Variants in AATK observed in about 807,000 individuals in gnomAD.
The protein encoded by AATK is serine/threonine-protein kinase LMTK1.
Under a neutral mutation model 114.3 loss-of-function variants are expected in AATK, and 91 were observed. The ratio of observed to expected loss-of-function variants is 0.80; its 90% CI spans 0.67 to 0.95. AATK has a LOEUF of 0.95. Ranked by LOEUF, AATK falls within the 40% of genes least tolerant of loss-of-function variation. AATK has a pLI of 0.00. For synonymous variants in AATK, 1,075 were observed against 916.5 expected (o/e 1.17, Z -3.12); for missense variants, 2,176 against 1,965.2 (o/e 1.11, Z -2.03).
intron 3 of AATK, among the ~76,000 whole-genome samples, chr17:81,130,777 G>C (rs146011930): frequency 0.012 from 1,879 of 151,778 alleles, 42 homozygotes; most frequent in African/African-American, 0.043. Context: ...GCAGCCCCTT[G>C]GGCAGGGGAG....
At chr17:81,165,206 G>C (rs1417380237) in intron 1 of AATK, among the ~76,000 whole-genome samples, 1 of 152,216 alleles carries the variant, frequency 6.6e-6, no homozygotes. Flanking sequence ...GTGACAGATG[G>C]GGCTTCCAGC....
chr17:81,155,473 G>A (rs1246865836), intron 1 of AATK, among the ~76,000 whole-genome samples: 5 of 151,804 alleles, frequency 3.3e-5, no homozygotes, highest in African/African-American at 4.8e-5. Flanking sequence ...TGCAACCTCC[G>A]CCTCCCGGAT....
chr17:81,143,180 G>A (rs1213994198), intron 1 of AATK, among the ~76,000 whole-genome samples: 2 of 151,998 alleles, frequency 1.3e-5, no homozygotes, highest in South Asian at 2.1e-4. Context: ...CAAGCCCTTG[G>A]CCACACCTGG....
intron 2 of AATK, 111 bp downstream of exon 2, chr17:81,134,257 C>T (rs1446396948): frequency 6.9e-7 from 1 of 1,457,992 alleles, no homozygotes; most frequent in Non-Finnish European, 9.3e-7. Flanking sequence ...ACTACGGCCA[C>T]CCAGCAGCCA....
chr17:81,122,529 G>C lies in AATK; in HGVS notation c.1407C>G (p.Thr469=). ...CAAAATTGAGGCCTCGGCTGGTCTC[G>C]GTCACCGTCAGCACGTCGTCGCCGT... ...HADGDDVLTV[T]ETSRGLNFEY... is the part of the protein sequence containing the mutation. The change falls in exon 11 of 14, where the codon ACC becomes ACG. Residue 469 remains threonine, a synonymous_variant. Coordinates refer to ENST00000326724, the MANE Select transcript of AATK (RefSeq NM_001080395.3). 6.8e-7 allele frequency: 1 copy of C among 1,481,224 alleles called. No individual in the cohort carries two copies. The highest frequency in any genetic ancestry group is 1.2e-5 in the South Asian group (1 of 80,458). 91.8% of individuals were successfully genotyped at this position (1,481,224 alleles called of 1,614,324 possible). A position where few individuals can be genotyped will look rare whatever the true frequency, so the allele number is the denominator to read the frequency against.
rs1278633508 is a variant in AATK, at chr17:81,118,530, C to T, written c.4085-88G>A. Reference sequence around the variant, plus strand: ...ACTCCCACCTGGCCTCCATCCCTGGCCCACATACAGGCCGGGCCCCTTCCC... The same window carrying T: ...ACTCCCACCTGGCCTCCATCCCTGGTCCACATACAGGCCGGGCCCCTTCCC... On this transcript the variant is annotated intron_variant, in intron 13 of 13. Coordinates refer to ENST00000326724, the MANE Select transcript of AATK (RefSeq NM_001080395.3). 3.5e-6 allele frequency: 5 copies of T among 1,416,968 alleles called. No homozygotes were observed. In the Admixed American group the frequency reaches 5.8e-5, roughly 16 times the overall value. 87.8% of individuals were successfully genotyped at this position (1,416,968 alleles called of 1,614,324 possible). A position where few individuals can be genotyped will look rare whatever the true frequency, so the allele number is the denominator to read the frequency against.
chr17:81,143,402 G>A (rs993452711), intron 1 of AATK, among the ~76,000 whole-genome samples: 1 of 152,150 alleles, frequency 6.6e-6, no homozygotes, highest in African/African-American at 2.4e-5. Context: ...AGTTTTCTGT[G>A]TTGGGTCCAA....
Position 81,122,206 on chromosome 17 carries a change from A to G in AATK, c.1730T>C (p.Leu577Pro). 10 of 1,501,588 alleles carry G rather than the reference A, an allele frequency of 6.7e-6. No individual in the cohort carries two copies. The highest frequency in any genetic ancestry group is 8.9e-6 in the Non-Finnish European group (10 of 1,127,348). The allele number at this position is 1,501,588 out of a possible 1,614,324, so 93.0% of individuals were successfully genotyped here. ...STAASLAMEPLLGHGPPVDVP... is the reference protein window; with the variant it reads ...STAASLAMEPPLGHGPPVDVP... ...GTCGACGGGTGGCCCGTGGCCCAGCAGCGGCTCCATGGCCAGCGAGGCGGC... is the reference window on the plus strand; with the variant it reads ...GTCGACGGGTGGCCCGTGGCCCAGCGGCGGCTCCATGGCCAGCGAGGCGGC... Residue 577 changes from leucine to proline, a missense_variant, in exon 11 of 14, where the codon CTG becomes CCG. Leu to Pro is a moderately conservative substitution (Grantham distance 98). Around this residue, in one of 4 missense-constraint regions of AATK, gnomAD observed 1,701 missense variants for 1,394.7 expected, o/e 1.22. Coordinates refer to ENST00000326724, the MANE Select transcript of AATK (RefSeq NM_001080395.3).
intron 1 of AATK, among the ~76,000 whole-genome samples, chr17:81,150,918 G>A (rs936133886): frequency 3.3e-5 from 5 of 152,206 alleles, no homozygotes; most frequent in Non-Finnish European, 7.3e-5. Context: ...AGACGGTACT[G>A]GGGGAGTCAG....
In AATK at chr17:81,122,078, C is replaced by T. The variant is rs749374608; in HGVS notation, c.1858G>A (p.Ala620Thr). 2 of 1,586,262 alleles carry T rather than the reference C, an allele frequency of 1.3e-6. No homozygotes were observed. Among genetic ancestry groups the T allele is most frequent in the East Asian group, 4.5e-5 (2 of 44,082 alleles). ...PSPSAGPLSL[A>T]EGGAEDADWG... is the part of the protein sequence containing the mutation. ...TCTGCATCCTCCGCTCCTCCCTCCG[C>T]CAGACTCAGGGGCCCCGCCGAGGGC... is the stretch of plus-strand genomic sequence containing the variant. The change falls in exon 11 of 14, where the codon GCG becomes ACG. Residue 620 changes from alanine to threonine, a missense_variant. Ala to Thr is a moderately conservative substitution (Grantham distance 58). This residue lies in a region of AATK where 1,701 missense variants were observed against 1,394.7 expected (regional missense o/e 1.22). Transcript: ENST00000326724.
At chr17:81,148,590 G>T (rs2061253396) in intron 1 of AATK, among the ~76,000 whole-genome samples, 1 of 152,236 alleles carries the variant, frequency 6.6e-6, no homozygotes, top group South Asian at 2.1e-4. Flanking sequence ...TGAGCCCCGG[G>T]GGTTCCCCCA....
intron 1 of AATK, among the ~76,000 whole-genome samples, chr17:81,147,276 G>A (rs1297916765): frequency 2.7e-5 from 4 of 150,482 alleles, no homozygotes; most frequent in South Asian, 4.2e-4. Flanking sequence ...CAGGAGAATC[G>A]CTTGAACCCG....
chr17:81,154,068 C>T (rs1346744315), intron 1 of AATK, among the ~76,000 whole-genome samples: 1 of 146,594 alleles, frequency 6.8e-6, no homozygotes, highest in African/African-American at 2.4e-5. Context: ...AAGAGTGAAA[C>T]TCCATCTCAA....
chr17:81,149,931 A>G (rs996907226), intron 1 of AATK, among the ~76,000 whole-genome samples: 4 of 151,902 alleles, frequency 2.6e-5, no homozygotes, highest in Non-Finnish European at 4.4e-5. Context: ...TGAGCAGCTG[A>G]CCCATGAGGA....
rs1006915633 is a variant in AATK at position 81,130,993 on chromosome 17, G to A, written c.334+68C>T. On this transcript the variant is annotated intron_variant, in intron 3 of 13. Transcript: ENST00000326724. ...AGAGCTGAGTCTTCCGGTCTCCCCAGATCACACCCAACGCCCAGCACCTGG... is the reference window on the plus strand; with the variant it reads ...AGAGCTGAGTCTTCCGGTCTCCCCAAATCACACCCAACGCCCAGCACCTGG... The A allele has an allele frequency of 9.2e-6, 14 of 1,514,196 alleles. No individual in the cohort carries two copies. The African/African-American group carries it at 1.5e-4, about 16-fold the overall frequency. The allele number at this position is 1,514,196 out of a possible 1,614,324, so 93.8% of individuals were successfully genotyped here.
rs188826672 is a variant in AATK at position 81,142,531 on chromosome 17, A to T, written c.56-8030T>A. Among the ~76,000 whole-genome samples, 915 of 152,230 alleles carry T rather than the reference A, an allele frequency of 6.0e-3. 8 individuals carry two copies. Among genetic ancestry groups the T allele is most frequent in the Non-Finnish European group, 7.9e-3 (538 of 68,006 alleles). ...AATCAATCCTCCCGCCTTGGCCTCC[A>T]GTTTCAAAGTTAATGTCTATTTGGC... On this transcript the variant is annotated intron_variant, in intron 1 of 13. Coordinates refer to ENST00000326724, the MANE Select transcript of AATK (RefSeq NM_001080395.3).
At position 81,138,186 on chromosome 17, in the gene AATK, C is replaced by T. The variant is rs532727972; in HGVS notation, c.56-3685G>A. Reference sequence around the variant, plus strand: ...GCACACACACACTTACCCACACATGCGTGCACACACACACACACCCCCACA... The same window carrying T: ...GCACACACACACTTACCCACACATGTGTGCACACACACACACACCCCCACA... On this transcript the variant is annotated intron_variant, in intron 1 of 13. Coordinates refer to ENST00000326724, the MANE Select transcript of AATK (RefSeq NM_001080395.3). Among the ~76,000 whole-genome samples the T allele has an allele frequency of 8.0e-5, 12 of 150,736 alleles. No individual in the cohort carries two copies. In the South Asian group the frequency reaches 1.1e-3, roughly 13 times the overall value.
intron 1 of AATK, among the ~76,000 whole-genome samples, chr17:81,151,662 C>T (rs960978487): frequency 1.3e-5 from 2 of 152,140 alleles, no homozygotes; most frequent in Non-Finnish European, 2.9e-5. Context: ...ATCATAATCC[C>T]AAAAGACACC....
intron 1 of AATK, among the ~76,000 whole-genome samples, chr17:81,137,294 T>C (rs2061025868): frequency 6.6e-6 from 1 of 151,372 alleles, no homozygotes; most frequent in African/African-American, 2.4e-5. Context: ...CCACCCCACT[T>C]TGCAGATGAG....
Sources: allele counts gnomAD v4.1 joint callset (sites outside exome capture counted in the v4.1 genomes callset), GRCh38; gene constraint gnomAD v4.1.1; regional missense constraint gnomAD v4.1.1; transcripts MANE v1.5; gene names NCBI Gene and HGNC (gene_info 2026-07-23, HGNC 2026-07-21).